Variants in TRPC1 observed in about 807,000 individuals in gnomAD.
TRPC1 encodes transient receptor potential cation channel subfamily C member 1.
A neutral mutation model predicts 88.2 loss-of-function variants in TRPC1; 42 were observed. That is an observed-to-expected ratio of 0.48 (90% CI 0.37 to 0.62). TRPC1 has a LOEUF of 0.62. TRPC1 is among the 20% of genes least tolerant of loss of function. The pLI is 0.00. For synonymous variants in TRPC1, 288 were observed against 331.8 expected, an observed-to-expected ratio of 0.87 and a Z score of 1.43; for missense variants, 699 against 957.3, an observed-to-expected ratio of 0.73 and a Z score of 3.56.
chr3:142,753,435 C>T (rs550038635), intron 4 of TRPC1, among the ~76,000 whole-genome samples: 2 of 152,196 alleles, frequency 1.3e-5, no homozygotes, highest in Non-Finnish European at 2.9e-5. Context: ...CTGGGAATTG[C>T]TAAGTAGAAC....
At chr3:142,795,002 C>T (rs1936408965) in intron 9 of TRPC1, among the ~76,000 whole-genome samples, 1 of 151,726 alleles carries the variant, frequency 6.6e-6, no homozygotes, top group Admixed American at 6.6e-5. Flanking sequence ...TTAGTAGAGA[C>T]ATGGAAGATG....
At chr3:142,797,575 A>G (rs925458490) in intron 9 of TRPC1, among the ~76,000 whole-genome samples, 2 of 152,160 alleles carry the variant, frequency 1.3e-5, no homozygotes, top group African/African-American at 4.8e-5. Context: ...TATTAGAATT[A>G]CTAATATTAC....
intron 1 of TRPC1, 44 bp from the exon 2 acceptor site, chr3:142,736,335 G>T: frequency 7.0e-7 from 1 of 1,430,190 alleles, no homozygotes; most frequent in South Asian, 1.6e-5. Context: ...ATCCTTACTT[G>T]ATATGTCACG....
chr3:142,775,172 T>C (rs977028967), intron 4 of TRPC1, among the ~76,000 whole-genome samples: 1 of 152,212 alleles, frequency 6.6e-6, no homozygotes, highest in Non-Finnish European at 1.5e-5. Flanking sequence ...TTCATAAATA[T>C]TGTTTTCTTA....
At chr3:142,799,065 A>C (rs1936532777) in intron 9 of TRPC1, among the ~76,000 whole-genome samples, 1 of 152,060 alleles carries the variant, frequency 6.6e-6, no homozygotes, top group South Asian at 2.1e-4. Context: ...AAGTGTGTTA[A>C]TTTTCTGCAA....
rs1317811276 is a variant in TRPC1 at position 142,802,051 on chromosome 3, A to G, written c.1582-118A>G. ...ATGATCTGTCTCAACCAGATGCAAT[A>G]GAAGGGGTGGCCTGTGGATTATGTG... On this transcript the variant is annotated intron_variant, in intron 9 of 12. Coordinates refer to ENST00000476941, the MANE Select transcript of TRPC1 (RefSeq NM_001251845.2). 6.5e-6 allele frequency: 4 copies of G among 613,680 alleles called. No individual in the cohort carries two copies. The Admixed American group carries it at 1.2e-4, about 18-fold the overall frequency. 38.0% of individuals were successfully genotyped at this position (613,680 alleles called of 1,614,324 possible).
rs1933568585 is a variant in TRPC1, at chr3:142,724,453, C to A, written c.-107C>A. ...CCTCGAGCCGAGGCAGCAGTGGGAA[C>A]GACTCATCCTTTTTCCAGCCCTGGG... is the stretch of plus-strand genomic sequence containing the variant. On this transcript the variant is annotated 5_prime_UTR_variant, in exon 1 of 13. Coordinates refer to ENST00000476941, the MANE Select transcript of TRPC1 (RefSeq NM_001251845.2). This position sits in a 1 kb window ranked among gnomAD's most constrained non-coding sequence, Gnocchi z 5.6. The A allele has an allele frequency of 3.5e-6, 4 of 1,152,212 alleles. No homozygotes were observed. The highest frequency in any genetic ancestry group is 3.0e-5 in the East Asian group (1 of 33,582). The allele number at this position is 1,152,212 out of a possible 1,614,324, so 71.4% of individuals were successfully genotyped here.
At chr3:142,772,315 C>G (rs1433564869) in intron 4 of TRPC1, among the ~76,000 whole-genome samples, 1 of 152,050 alleles carries the variant, frequency 6.6e-6, no homozygotes, top group African/African-American at 2.4e-5. Context: ...TAATGGTGTT[C>G]CGCATCTCTC....
rs1179097429 is a variant in TRPC1, at chr3:142,805,125, TATATAC to T, written c.2154+497_2154+502del. ...CAGAACAAACAAACAAACAAATATATATATACACACACACACACACACACACACACA... is the reference window on the plus strand; with the variant it reads ...CAGAACAAACAAACAAACAAATATATACACACACACACACACACACACACA... On this transcript the variant is annotated intron_variant, in intron 12 of 12. Coordinates refer to ENST00000476941, the MANE Select transcript of TRPC1 (RefSeq NM_001251845.2). 4.4e-3 allele frequency among the ~76,000 whole-genome samples: 540 copies of T among 123,762 alleles called. 2 individuals carry two copies. Among genetic ancestry groups the T allele is most frequent in the Middle Eastern group, 0.02 (5 of 246 alleles). 81.2% of individuals were successfully genotyped at this position (123,762 alleles called of 152,430 possible).
chr3:142,751,364 AT>A (rs1934756763), intron 4 of TRPC1, among the ~76,000 whole-genome samples: 1 of 152,122 alleles, frequency 6.6e-6, no homozygotes, highest in Non-Finnish European at 1.5e-5. Flanking sequence ...AATATTTACT[AT>A]TGTGTTACAG....
chr3:142,775,700 A>C (rs1033629060), intron 4 of TRPC1, among the ~76,000 whole-genome samples: 11 of 152,250 alleles, frequency 7.2e-5, no homozygotes, highest in Non-Finnish European at 1.5e-4. Flanking sequence ...ATTGACTAAA[A>C]GCAGGATAAA....
intron 1 of TRPC1, among the ~76,000 whole-genome samples, chr3:142,731,713 A>G (rs1282000450): frequency 6.6e-6 from 1 of 151,996 alleles, no homozygotes. Flanking sequence ...CGATAACTCT[A>G]GCTGTGGAGT....
chr3:142,724,809 T>A lies in TRPC1; in HGVS notation c.172+78T>A. 7.0e-7 allele frequency: 1 copy of A among 1,419,718 alleles called. No individual in the cohort carries two copies. Among genetic ancestry groups the A allele is most frequent in the Non-Finnish European group, 9.3e-7 (1 of 1,075,444 alleles). 87.9% of individuals were successfully genotyped at this position (1,419,718 alleles called of 1,614,324 possible). A position where few individuals can be genotyped will look rare whatever the true frequency, so the allele number is the denominator to read the frequency against. ...GTCCTCTCCCCCGCCTCAACTTATA[T>A]CGGGGCATTCCCTCTGTCTCAGGCG... On this transcript the variant is annotated intron_variant, in intron 1 of 12. Transcript: ENST00000476941. This position sits in a 1 kb window ranked among gnomAD's most constrained non-coding sequence, Gnocchi z 5.6.
chr3:142,758,974 C>T (rs1935083390), intron 4 of TRPC1, among the ~76,000 whole-genome samples: 1 of 152,038 alleles, frequency 6.6e-6, no homozygotes, highest in Admixed American at 6.6e-5. Flanking sequence ...TGGTTTCCAG[C>T]TTCATCCATG....
chr3:142,766,236 G>A (rs1176354986), intron 4 of TRPC1, among the ~76,000 whole-genome samples: 1 of 152,024 alleles, frequency 6.6e-6, no homozygotes, highest in Non-Finnish European at 1.5e-5. Flanking sequence ...TGTCTGTGAG[G>A]GTGTTGCCAA....
At chr3:142,735,395 A>G (rs1173629465) in intron 1 of TRPC1, among the ~76,000 whole-genome samples, 1 of 152,062 alleles carries the variant, frequency 6.6e-6, no homozygotes, top group African/African-American at 2.4e-5. Context: ...TTATTTATAG[A>G]CTTCTAATGA....
At chr3:142,737,128 T>G (rs778610711) in intron 2 of TRPC1, among the ~76,000 whole-genome samples, 1 of 152,070 alleles carries the variant, frequency 6.6e-6, no homozygotes. Flanking sequence ...TTGAATGAAT[T>G]CAGTCTAGAG....
At chr3:142,738,109 G>A (rs2108024608) in intron 2 of TRPC1, among the ~76,000 whole-genome samples, 1 of 152,290 alleles carries the variant, frequency 6.6e-6, no homozygotes, top group East Asian at 1.9e-4. Flanking sequence ...AGACATCACA[G>A]TCAACCTATA....
In TRPC1 at chr3:142,799,342, T is replaced by G. The variant is rs116320040; in HGVS notation, c.1582-2827T>G. ...TAAATGTTTGAGAAAGCATTATTAC[T>G]TTTACAAATACATAAACCTTATAAT... On this transcript the variant is annotated intron_variant, in intron 9 of 12. Transcript: ENST00000476941. Among the ~76,000 whole-genome samples the G allele has an allele frequency of 4.9e-3, 751 of 152,320 alleles. 2 individuals are homozygous for G. Among genetic ancestry groups the G allele is most frequent in the Non-Finnish European group, 7.8e-3 (528 of 68,018 alleles).
Sources: allele counts gnomAD v4.1 joint callset (sites outside exome capture counted in the v4.1 genomes callset), GRCh38; gene constraint gnomAD v4.1.1; non-coding constraint Gnocchi (gnomAD v3.1); transcripts MANE v1.5; gene names NCBI Gene and HGNC (gene_info 2026-07-23, HGNC 2026-07-21).